Variants in TENT5D observed in about 807,000 individuals in gnomAD.
The protein encoded by TENT5D is terminal nucleotidyltransferase 5D.
For missense variants in TENT5D, 191 were observed against 287.0 expected (o/e 0.67, Z 2.42); for synonymous variants, 103 against 100.6 (o/e 1.02, Z -0.15).
At chrX:80,352,802 C>T (rs188657960) in intron 3 of TENT5D, among the ~76,000 whole-genome samples, 2 of 107,924 alleles carry the variant, frequency 1.9e-5, no homozygotes, top group African/African-American at 6.8e-5. Context: ...GTCCTTGAAA[C>T]CCAGGGCTCT....
chrX:80,428,214 G>T (rs966862873), intron 1 of TENT5D, among the ~76,000 whole-genome samples: 6 of 112,137 alleles, frequency 5.4e-5, no homozygotes, highest in African/African-American at 1.9e-4. Flanking sequence ...TAGGTGGACT[G>T]CAGATCACTC....
chrX:80,406,485 G>A (rs1339385579), intron 3 of TENT5D, among the ~76,000 whole-genome samples: 20 of 106,205 alleles, frequency 1.9e-4, no homozygotes, highest in Admixed American at 1.7e-3. Context: ...TGATCAACTG[G>A]AAGAAAGGGT....
upstream of TENT5D, among the ~76,000 whole-genome samples, chrX:80,415,529 A>G (rs1054818290): frequency 6.2e-5 from 7 of 112,093 alleles, no homozygotes; most frequent in African/African-American, 2.3e-4. Flanking sequence ...AATTTTATCA[A>G]AAGCCTTTTC....
rs1455565014 is a variant in TENT5D, at chrX:80,431,691, A to C, written c.-141-6919A>C. ...CTTTTTAAAACCATCAGATCTCATG[A>C]GACTCATTATCATGAGGCCAGCACA... On this transcript the variant is annotated intron_variant, in intron 1 of 2. Transcript: ENST00000308293. Among the ~76,000 whole-genome samples, 9 of 111,469 alleles carry C rather than the reference A, an allele frequency of 8.1e-5. No individual in the cohort carries two copies. The Admixed American group carries it at 8.6e-4, about 11-fold the overall frequency.
chrX:80,395,575 G>T (rs1931224503), intron 3 of TENT5D, among the ~76,000 whole-genome samples: 1 of 110,887 alleles, frequency 9.0e-6, no homozygotes, highest in African/African-American at 3.3e-5. Flanking sequence ...ATTGTAAATT[G>T]ATAAGTAATA....
chrX:80,339,397 A>G (rs1416178860), intron 2 of TENT5D, among the ~76,000 whole-genome samples: 2 of 111,612 alleles, frequency 1.8e-5, no homozygotes, highest in Non-Finnish European at 3.8e-5. Context: ...TACTTATAAT[A>G]GAAAAACTGT....
At chrX:80,429,803 T>C (rs1932051474) in intron 1 of TENT5D, among the ~76,000 whole-genome samples, 1 of 111,523 alleles carries the variant, frequency 9.0e-6, no homozygotes, top group African/African-American at 3.3e-5. Flanking sequence ...AGGGGCTTCC[T>C]GAGTAATAAA....
At chrX:80,343,223 A>G (rs1310724568) in intron 3 of TENT5D, among the ~76,000 whole-genome samples, 1 of 111,360 alleles carries the variant, frequency 9.0e-6, no homozygotes, top group African/African-American at 3.3e-5. Context: ...AACTTCTGAC[A>G]AGGTGCCATC....
intron 3 of TENT5D, among the ~76,000 whole-genome samples, chrX:80,407,394 G>T (rs1309491768): frequency 4.5e-5 from 5 of 109,980 alleles, no homozygotes; most frequent in Non-Finnish European, 5.7e-5. Flanking sequence ...CAAAATAAAA[G>T]GATGGAGGAA....
chrX:80,373,997 C>T (rs1212669664), intron 3 of TENT5D, among the ~76,000 whole-genome samples: 1 of 110,910 alleles, frequency 9.0e-6, no homozygotes, highest in Non-Finnish European at 1.9e-5. Context: ...CCACCCTCCA[C>T]CCTCGACCCT....
intron 3 of TENT5D, among the ~76,000 whole-genome samples, chrX:80,378,437 T>C (rs998322878): frequency 1.8e-5 from 2 of 111,841 alleles, no homozygotes; most frequent in African/African-American, 6.5e-5. Flanking sequence ...AGGGATACAG[T>C]TTCAGCTTTC....
intron 3 of TENT5D, among the ~76,000 whole-genome samples, chrX:80,404,644 T>C (rs1027314812): frequency 8.9e-6 from 1 of 112,120 alleles, no homozygotes; most frequent in Non-Finnish European, 1.9e-5. Flanking sequence ...ATTGTTTTAA[T>C]TTCTGGCCCT....
At chrX:80,386,141 C>T (rs1930998217) in intron 3 of TENT5D, among the ~76,000 whole-genome samples, 1 of 112,156 alleles carries the variant, frequency 8.9e-6, no homozygotes. Context: ...TATTGCAGCA[C>T]TATTCACAGT....
chrX:80,397,343 A>G (rs2147542813), intron 3 of TENT5D, among the ~76,000 whole-genome samples: 1 of 106,482 alleles, frequency 9.4e-6, no homozygotes, highest in East Asian at 3.1e-4. Context: ...GCGGCCGGGC[A>G]GAGATGCTCC....
exon 3 of TENT5D, chrX:80,443,353 C>T: frequency 8.3e-7 from 1 of 1,210,660 alleles, no homozygotes; most frequent in Non-Finnish European, 1.1e-6. Flanking sequence ...TGATTTTCCT[C>T]ATATAGAAGA....
chrX:80,420,042 T>A (rs1014382764), upstream of TENT5D, among the ~76,000 whole-genome samples: 4 of 111,926 alleles, frequency 3.6e-5, no homozygotes, highest in Non-Finnish European at 5.6e-5. Context: ...GAATTTTTTT[T>A]AAAACAAAAA....
At chrX:80,370,582 T>G (rs772799105) in intron 3 of TENT5D, among the ~76,000 whole-genome samples, 16 of 112,483 alleles carry the variant, frequency 1.4e-4, no homozygotes, top group African/African-American at 5.1e-4. Context: ...TTAAGTAATA[T>G]TTTAACATGA....
At position 80,442,504 on chromosome X, in the gene TENT5D, ATT is replaced by A. The variant is rs1378076280; in HGVS notation, c.-18-15_-18-14del. 1 of 1,100,959 alleles carries A rather than the reference ATT, an allele frequency of 9.1e-7. No individual in the cohort carries two copies. Among genetic ancestry groups the A allele is most frequent in the African/African-American group, 1.8e-5 (1 of 54,526 alleles). 90.7% of individuals were successfully genotyped at this position (1,100,959 alleles called of 1,213,427 possible). On this transcript the variant is annotated splice_polypyrimidine_tract_variant and intron_variant, in intron 2 of 2. Transcript: ENST00000308293. ...AGGTGCTAACATATTTCTTCCCAAT[ATT>A]TTGTTTGCTGTCTAGTGATCTACTG...
chrX:80,428,078 C>T (rs1399868796), intron 1 of TENT5D, among the ~76,000 whole-genome samples: 1 of 112,650 alleles, frequency 8.9e-6, no homozygotes. Context: ...ATTAAAACTA[C>T]AGAGAGTATA....
Sources: allele counts gnomAD v4.1 joint callset (sites outside exome capture counted in the v4.1 genomes callset), GRCh38; gene constraint gnomAD v4.1.1; transcripts MANE v1.5; gene names NCBI Gene and HGNC (gene_info 2026-07-23, HGNC 2026-07-21).